The following PTPRD variants were observed in gnomAD, a reference collection of about 807,000 sequenced individuals.
PTPRD encodes the protein protein tyrosine phosphatase receptor type D.
Under a neutral mutation model 214.5 loss-of-function variants are expected in PTPRD, and 34 were observed. The ratio of observed to expected loss-of-function variants is 0.16; its 90% confidence interval spans 0.12 to 0.21. The LOEUF (loss-of-function observed/expected upper bound fraction) is 0.21, where lower values mean the gene tolerates loss of function less well. Among genes scored for constraint, PTPRD ranks in the 10% least tolerant of loss-of-function variants. The pLI is 1.00. For synonymous variants in PTPRD, 1,128 were observed against 845.7 expected, an observed-to-expected ratio of 1.33 and a Z score of -5.79; for missense variants, 2,545 against 2,398.7, an observed-to-expected ratio of 1.06 and a Z score of -1.27.
intron 7 of PTPRD, among the ~76,000 whole-genome samples, chr9:9,690,528 T>TA (rs1176377497): frequency 6.6e-6 from 1 of 151,954 alleles, no homozygotes; most frequent in African/African-American, 2.4e-5. Context: ...TTTGAGGTCT[T>TA]ATCCCCTCAA....
At chr9:9,007,912 G>T (rs1310211768) in intron 11 of PTPRD, among the ~76,000 whole-genome samples, 1 of 92,950 alleles carries the variant, frequency 1.1e-5, no homozygotes, top group Non-Finnish European at 2.5e-5. Context: ...TTGAAATTTG[G>T]CATTTTTTTT....
At chr9:10,564,539 G>C (rs576295178) in intron 2 of PTPRD, among the ~76,000 whole-genome samples, 1 of 151,938 alleles carries the variant, frequency 6.6e-6, no homozygotes, top group Non-Finnish European at 1.5e-5. Context: ...TTCTTTCCAA[G>C]GGCAGATAGC....
intron 9 of PTPRD, among the ~76,000 whole-genome samples, chr9:9,387,009 A>G (rs992478798): frequency 2.0e-5 from 3 of 152,206 alleles, no homozygotes; most frequent in Non-Finnish European, 4.4e-5. Context: ...AACATAACTT[A>G]TTTAACGCTC....
intron 3 of PTPRD, among the ~76,000 whole-genome samples, chr9:10,112,653 C>T (rs1285214973): frequency 1.3e-5 from 2 of 152,118 alleles, no homozygotes; most frequent in African/African-American, 4.8e-5. Context: ...TTGTTGGACC[C>T]AGATTCTAAA....
intron 14 of PTPRD, among the ~76,000 whole-genome samples, chr9:8,630,645 T>A (rs566267904): frequency 2.0e-5 from 3 of 151,880 alleles, no homozygotes; most frequent in Non-Finnish European, 4.4e-5. Flanking sequence ...ACTCAAATCA[T>A]AAATTTTCAT....
chr9:8,565,391 T>C (rs1002286896), intron 14 of PTPRD, among the ~76,000 whole-genome samples: 7 of 152,210 alleles, frequency 4.6e-5, no homozygotes, highest in Admixed American at 6.5e-5. Context: ...ATTAATTCAC[T>C]ACCCACAGAA....
At chr9:10,034,978 G>A (rs761731294) in intron 3 of PTPRD, among the ~76,000 whole-genome samples, 4 of 152,086 alleles carry the variant, frequency 2.6e-5, no homozygotes, top group Non-Finnish European at 5.9e-5. Flanking sequence ...CTAGTAATAG[G>A]ATTGCTGGGT....
intron 11 of PTPRD, among the ~76,000 whole-genome samples, chr9:9,015,274 G>A (rs898566159): frequency 3.3e-5 from 5 of 152,078 alleles, no homozygotes; most frequent in African/African-American, 1.2e-4. Context: ...GAGATAGGAG[G>A]TCAACACAAG....
At chr9:10,342,362 A>G (rs1219663801) in intron 2 of PTPRD, among the ~76,000 whole-genome samples, 1 of 152,130 alleles carries the variant, frequency 6.6e-6, no homozygotes, top group Non-Finnish European at 1.5e-5. Flanking sequence ...TAATAGCTCT[A>G]AAAACTTCAA....
chr9:9,284,080 T>C (rs1948629406), intron 9 of PTPRD, among the ~76,000 whole-genome samples: 2 of 151,638 alleles, frequency 1.3e-5, no homozygotes, highest in African/African-American at 2.4e-5. Flanking sequence ...GTAAACATTA[T>C]TGGTGTTCTT....
At chr9:10,105,925 T>G (rs2098625899) in intron 3 of PTPRD, among the ~76,000 whole-genome samples, 3 of 149,498 alleles carry the variant, frequency 2.0e-5, no homozygotes, top group Admixed American at 1.4e-4. Flanking sequence ...TCACATTTTG[T>G]TGGCCAAAGC....
chr9:9,348,892 A>T (rs2049989004), intron 9 of PTPRD, among the ~76,000 whole-genome samples: 1 of 152,020 alleles, frequency 6.6e-6, no homozygotes, highest in South Asian at 2.1e-4. Flanking sequence ...CTCTTCTTCC[A>T]ATTGTCAGTG....
At chr9:10,109,861 A>C (rs1161425402) in intron 3 of PTPRD, among the ~76,000 whole-genome samples, 1 of 152,128 alleles carries the variant, frequency 6.6e-6, no homozygotes, top group East Asian at 1.9e-4. Flanking sequence ...TATTTTCAAG[A>C]AAGATTGTGA....
chr9:8,967,203 T>A (rs572404929), intron 11 of PTPRD, among the ~76,000 whole-genome samples: 1 of 151,768 alleles, frequency 6.6e-6, no homozygotes, highest in Admixed American at 6.6e-5. Flanking sequence ...TTGGTGGGAA[T>A]GTAAATTAGT....
At chr9:8,656,469 G>C (rs1327412597) in intron 12 of PTPRD, among the ~76,000 whole-genome samples, 1 of 152,158 alleles carries the variant, frequency 6.6e-6, no homozygotes, top group Admixed American at 6.5e-5. Flanking sequence ...CTCATGGCCA[G>C]AAGTAGATTT....
chr9:8,720,133 G>A (rs896289020), intron 12 of PTPRD, among the ~76,000 whole-genome samples: 1 of 152,154 alleles, frequency 6.6e-6, no homozygotes, highest in Non-Finnish European at 1.5e-5. Context: ...CACTCATATG[G>A]CTTATAGTCA....
rs567199822 is a variant in PTPRD at position 10,208,854 on chromosome 9, G to A, written c.-545+132109C>T. Among the ~76,000 whole-genome samples the A allele has an allele frequency of 1.4e-3, 209 of 152,264 alleles. 1 individual carries two copies. The South Asian group carries it at 0.022, about 16-fold the overall frequency. On this transcript the variant is annotated intron_variant, in intron 3 of 45. Transcript: ENST00000381196. The stretch of plus-strand genomic sequence containing the variant: ...GTGGGCAGGTAGATGACAAGGCACC[G>A]AGGCATATTGCACCAGCTGTGAAGA...
At position 9,340,253 on chromosome 9, in the gene PTPRD, T is replaced by C. The variant is rs536044445; in HGVS notation, c.-203+57196A>G. 8.5e-5 allele frequency among the ~76,000 whole-genome samples: 13 copies of C among 152,280 alleles called. 1 individual carries two copies. The South Asian group carries it at 2.7e-3, about 32-fold the overall frequency. ...CCCGTTTAAGACAGAAAAACAGATGTTGCATCAGAAAGTCCATGATACTAT... is the reference window on the plus strand; with the variant it reads ...CCCGTTTAAGACAGAAAAACAGATGCTGCATCAGAAAGTCCATGATACTAT... On this transcript the variant is annotated intron_variant, in intron 9 of 45. Transcript: ENST00000381196.
intron 14 of PTPRD, among the ~76,000 whole-genome samples, chr9:8,630,489 T>C (rs1443359819): frequency 6.6e-6 from 1 of 151,922 alleles, no homozygotes; most frequent in Non-Finnish European, 1.5e-5. Context: ...TCCATATTTA[T>C]TTTATCCTAA....
Sources: gnomAD v4.1 joint callset for allele counts (sites outside exome capture counted in the v4.1 genomes callset) on GRCh38, gnomAD v4.1.1 for gene constraint, MANE v1.5 for transcripts, NCBI Gene and HGNC (gene_info 2026-07-23, HGNC 2026-07-21) for gene names.